FYTTD1: variants seen among roughly 807,000 people sequenced by gnomAD.
FYTTD1 encodes the protein UAP56-interacting factor.
Under a neutral mutation model 40.9 loss-of-function variants are expected in FYTTD1, and 22 were observed. The ratio of observed to expected loss-of-function variants is 0.54; its 90% CI spans 0.38 to 0.77. The LOEUF (loss-of-function observed/expected upper bound fraction) is 0.77. FYTTD1 is among the 30% of genes least tolerant of loss of function. FYTTD1 has a pLI of 0.00. For missense variants in FYTTD1, 351 were observed against 392.2 expected (o/e 0.90, Z 0.89); for synonymous variants, 140 against 137.9 (o/e 1.01, Z -0.10).
rs746851412 is a variant in FYTTD1 at position 197,766,162 on chromosome 3, CA to C, written c.236-2260del. ...TGGGCAACAGAGCGAGACTCTGTCT[CA>C]AAAAAAAAAAAAAAAAGAGTTTGCT... On this transcript the variant is annotated intron_variant, in intron 2 of 8. Coordinates refer to ENST00000241502, the MANE Select transcript of FYTTD1 (RefSeq NM_032288.7). 9.1e-3 allele frequency among the ~76,000 whole-genome samples: 420 copies of C among 46,178 alleles called. 2 individuals are homozygous for C. Among genetic ancestry groups the C allele is most frequent in the Middle Eastern group, 0.034 (3 of 88 alleles). The allele number at this position is 46,178 out of a possible 152,430, so 30.3% of individuals were successfully genotyped here. A position where few individuals can be genotyped will look rare whatever the true frequency, so the allele number is the denominator to read the frequency against.
At chr3:197,764,379 A>G (rs1194662075) in intron 2 of FYTTD1, among the ~76,000 whole-genome samples, 1 of 152,206 alleles carries the variant, frequency 6.6e-6, no homozygotes, top group African/African-American at 2.4e-5. Context: ...TCAAAGGTAG[A>G]AAGGTGGGAG....
At chr3:197,781,405 CTGT>C (rs1730024598) in intron 8 of FYTTD1, among the ~76,000 whole-genome samples, 1 of 150,362 alleles carries the variant, frequency 6.7e-6, no homozygotes, top group Non-Finnish European at 1.5e-5. Flanking sequence ...TTTGTAGATG[CTGT>C]TGTTAATAAA....
At position 197,782,667 on chromosome 3, in the gene FYTTD1, G is replaced by A. The variant is rs1224584688; in HGVS notation, c.*758G>A. 1 of 152,178 alleles carries A rather than the reference G, an allele frequency of 6.6e-6. No individual in the cohort carries two copies. Among genetic ancestry groups the A allele is most frequent in the East Asian group, 1.9e-4 (1 of 5,200 alleles). The allele number at this position is 152,178 out of a possible 1,614,324, so 9.4% of individuals were successfully genotyped here. On this transcript the variant is annotated 3_prime_UTR_variant, in exon 9 of 9. Transcript: ENST00000241502. ...TAAATGAAGGCATGAGAGGAAGTAA[G>A]TAGCAAGTTGAAGGACAGGTAGTTG...
intron 7 of FYTTD1, 74 bp from the exon 8 acceptor site, chr3:197,778,264 G>A: frequency 8.3e-7 from 1 of 1,207,558 alleles, no homozygotes; most frequent in Non-Finnish European, 1.1e-6. Context: ...TGTACAAGAT[G>A]TCTTAAGTAC....
Position 197,779,529 on chromosome 3 carries a change from C to CTTTTTTT in FYTTD1, c.858+1078_858+1084dup, listed in dbSNP as rs57263354. Among the ~76,000 whole-genome samples, 12 of 118,400 alleles carry CTTTTTTT rather than the reference C, an allele frequency of 1.0e-4. 1 individual carries two copies. The highest frequency in any genetic ancestry group is 1.3e-4 in the Non-Finnish European group (8 of 60,208). 77.7% of individuals were successfully genotyped at this position (118,400 alleles called of 152,430 possible). A position where few individuals can be genotyped will look rare whatever the true frequency, so the allele number is the denominator to read the frequency against. On this transcript the variant is annotated intron_variant, in intron 8 of 8. Coordinates refer to ENST00000241502, the MANE Select transcript of FYTTD1 (RefSeq NM_032288.7). ...TATTGACTTTGTGGATTCCTTAGGA[C>CTTTTTTT]TTTTTTTTTTTTTTTTTTTGTGAAA... is the stretch of plus-strand genomic sequence containing the variant.
intron 2 of FYTTD1, among the ~76,000 whole-genome samples, chr3:197,760,562 G>GT (rs1729351903): frequency 6.6e-6 from 1 of 151,800 alleles, no homozygotes; most frequent in African/African-American, 2.4e-5. Flanking sequence ...AATTTATAGA[G>GT]TGTTTTTCAA....
rs756950627 is a variant in FYTTD1 at position 197,785,409 on chromosome 3, C to G, written c.*3500C>G. ...TGCTTATAAGTAGACCCAGGTAATTCAAAGCCATGTTGTTGAAGGGCCAAC... is the reference window on the plus strand; with the variant it reads ...TGCTTATAAGTAGACCCAGGTAATTGAAAGCCATGTTGTTGAAGGGCCAAC... On this transcript the variant is annotated 3_prime_UTR_variant, in exon 9 of 9. Transcript: ENST00000241502. 6 of 152,172 alleles carry G rather than the reference C, an allele frequency of 3.9e-5. No individual in the cohort carries two copies. Among genetic ancestry groups the G allele is most frequent in the Middle Eastern group, 3.2e-3 (1 of 316 alleles). 9.4% of individuals were successfully genotyped at this position (152,172 alleles called of 1,614,324 possible).
At chr3:197,756,070 T>G (rs1166733763) in intron 1 of FYTTD1, among the ~76,000 whole-genome samples, 1 of 151,814 alleles carries the variant, frequency 6.6e-6, no homozygotes, top group Non-Finnish European at 1.5e-5. Context: ...GGTAGGAAAT[T>G]GGAGGCTTCT....
intron 8 of FYTTD1, among the ~76,000 whole-genome samples, 179 bp downstream of exon 8, chr3:197,778,643 A>T (rs534561078): frequency 6.6e-5 from 10 of 152,246 alleles, no homozygotes; most frequent in Non-Finnish European, 1.5e-4. Context: ...AAATCAGCTC[A>T]TACGGTATAC....
intron 1 of FYTTD1, chr3:197,750,861 C>A (rs1413676304): frequency 1.6e-5 from 16 of 984,958 alleles, no homozygotes; most frequent in Admixed American, 6.2e-5. Flanking sequence ...GAGAGGGTGG[C>A]GTGGTTTCTT....
In FYTTD1 at chr3:197,785,501, A is replaced by T. The variant is rs1259554015; in HGVS notation, c.*3592A>T. On this transcript the variant is annotated 3_prime_UTR_variant, in exon 9 of 9. Coordinates refer to ENST00000241502, the MANE Select transcript of FYTTD1 (RefSeq NM_032288.7). Reference sequence around the variant, plus strand: ...CCTCATTGCTCAGCAGTGAGTTTTTATTAGACTAGGTATGTATATCATTAT... The same window carrying T: ...CCTCATTGCTCAGCAGTGAGTTTTTTTTAGACTAGGTATGTATATCATTAT... The T allele has an allele frequency of 6.6e-6, 1 of 152,212 alleles. No individual in the cohort carries two copies. The highest frequency in any genetic ancestry group is 6.5e-5 in the Admixed American group (1 of 15,280). The allele number at this position is 152,212 out of a possible 1,614,324, so 9.4% of individuals were successfully genotyped here.
At chr3:197,775,437 A>G (rs1487739761) in intron 6 of FYTTD1, among the ~76,000 whole-genome samples, 3 of 152,050 alleles carry the variant, frequency 2.0e-5, no homozygotes, top group African/African-American at 7.3e-5. Context: ...TAAAATCCTC[A>G]GATACTCAAG....
At chr3:197,763,603 C>T (rs761266417) in intron 2 of FYTTD1, 1 of 402,176 alleles carries the variant, frequency 2.5e-6, no homozygotes, top group South Asian at 1.8e-5. Context: ...ATAGGGAGAC[C>T]CCGTCTCTAC....
At chr3:197,779,740 A>G (rs1282471478) in intron 8 of FYTTD1, among the ~76,000 whole-genome samples, 11 of 150,102 alleles carry the variant, frequency 7.3e-5, no homozygotes, top group African/African-American at 2.7e-4. Flanking sequence ...ATACAGGCAC[A>G]CACACCACAC....
intron 2 of FYTTD1, 48 bp downstream of exon 2, chr3:197,756,605 C>T: frequency 6.5e-7 from 1 of 1,534,986 alleles, no homozygotes; most frequent in Non-Finnish European, 9.0e-7. Flanking sequence ...TTTGTGTGTT[C>T]ATAGTGTACT....
chr3:197,770,801 A>G (rs1235512340), intron 4 of FYTTD1, among the ~76,000 whole-genome samples: 1 of 152,004 alleles, frequency 6.6e-6, no homozygotes, highest in East Asian at 1.9e-4. Context: ...CTCCCACCTC[A>G]GCCTCCTAAA....
At position 197,750,168 on chromosome 3, in the gene FYTTD1, G is replaced by T; in HGVS notation, c.103+94G>T. The T allele has an allele frequency of 3.0e-6, 3 of 1,010,022 alleles. No individual in the cohort carries two copies. The South Asian group carries it at 5.7e-5, about 19-fold the overall frequency. The allele number at this position is 1,010,022 out of a possible 1,614,324, so 62.6% of individuals were successfully genotyped here. A position where few individuals can be genotyped will look rare whatever the true frequency, so the allele number is the denominator to read the frequency against. On this transcript the variant is annotated intron_variant, in intron 1 of 8. Transcript: ENST00000241502. ...GTGGGGGCAGGGGCGGTCGGCAGCA[G>T]TTGCCGGCGGAGTTTTCTCGCTGGT...
rs1365510460 is a variant in FYTTD1 at position 197,783,054 on chromosome 3, T to C, written c.*1145T>C. ...GTTTACCTTTCACTGATTTCTTATA[T>C]GGTATAAATTAAAGTTCAGGCATTT... On this transcript the variant is annotated 3_prime_UTR_variant, in exon 9 of 9. Transcript: ENST00000241502. 1.3e-5 allele frequency: 2 copies of C among 152,598 alleles called. No homozygotes were observed. Among genetic ancestry groups the C allele is most frequent in the African/African-American group, 4.8e-5 (2 of 41,436 alleles). The allele number at this position is 152,598 out of a possible 1,614,324, so 9.5% of individuals were successfully genotyped here.
intron 1 of FYTTD1, among the ~76,000 whole-genome samples, chr3:197,752,515 A>G (rs1409829073): frequency 1.3e-5 from 2 of 151,856 alleles, no homozygotes; most frequent in Non-Finnish European, 2.9e-5. Flanking sequence ...CACTATATGT[A>G]GTATGTCTGT....
Sources: gnomAD v4.1 joint callset for allele counts (sites outside exome capture counted in the v4.1 genomes callset) on GRCh38, gnomAD v4.1.1 for gene constraint, MANE v1.5 for transcripts, NCBI Gene and HGNC (gene_info 2026-07-23, HGNC 2026-07-21) for gene names.